The following HOPX variants were observed in gnomAD, a reference collection of about 807,000 sequenced individuals.
The protein encoded by HOPX is homeodomain-only protein.
In HOPX, 5 loss-of-function variants were observed where a neutral mutation model predicts 11.8. That is an observed-to-expected ratio of 0.43 (90% CI 0.22 to 0.89). The LOEUF (loss-of-function observed/expected upper bound fraction) is 0.89, where lower values mean the gene tolerates loss of function less well. HOPX is among the 40% of genes least tolerant of loss of function. The pLI, the probability that HOPX is intolerant of heterozygous loss-of-function variation, is 0.28. For missense variants in HOPX, 119 were observed against 120.0 expected, an observed-to-expected ratio of 0.99 and a Z score of 0.04; for synonymous variants, 49 against 49.7, an observed-to-expected ratio of 0.99 and a Z score of 0.06.
chr4:56,668,222 G>A (rs778902885), intron 1 of HOPX, among the ~76,000 whole-genome samples: 25 of 152,082 alleles, frequency 1.6e-4, no homozygotes, highest in Admixed American at 2.6e-4. Flanking sequence ...CACCACACGC[G>A]GCCAAACTGA....
intron 1 of HOPX, chr4:56,679,012 C>A (rs1327302948): frequency 6.6e-6 from 1 of 152,264 alleles, no homozygotes; most frequent in Non-Finnish European, 1.5e-5. Flanking sequence ...AATCCCAGCA[C>A]TTTGGGAGGC....
intron 1 of HOPX, chr4:56,672,806 A>G (rs986644951): frequency 3.3e-5 from 5 of 152,016 alleles, no homozygotes; most frequent in African/African-American, 1.2e-4. Flanking sequence ...GACTGGCTAA[A>G]AAAAATTTTT....
intron 3 of HOPX, among the ~76,000 whole-genome samples, chr4:56,653,093 A>T (rs1310963205): frequency 6.6e-6 from 1 of 152,218 alleles, no homozygotes; most frequent in Non-Finnish European, 1.5e-5. Flanking sequence ...TAGGTGGTGC[A>T]GTGGCATGAT....
intron 3 of HOPX, among the ~76,000 whole-genome samples, chr4:56,654,865 A>T (rs939681897): frequency 1.3e-5 from 2 of 152,212 alleles, no homozygotes; most frequent in African/African-American, 2.4e-5. Flanking sequence ...AGTTGAGGTT[A>T]GAAGTGTGAA....
intron 1 of HOPX, among the ~76,000 whole-genome samples, chr4:56,669,186 G>C (rs1398871664): frequency 1.3e-5 from 2 of 152,064 alleles, no homozygotes; most frequent in African/African-American, 4.8e-5. Context: ...TGCTGATGTC[G>C]CTGACTCAAG....
chr4:56,680,069 T>G (rs1325048658), intron 1 of HOPX: 1 of 151,954 alleles, frequency 6.6e-6, no homozygotes, highest in Non-Finnish European at 1.5e-5. Context: ...ACGTTGAAGG[T>G]TTTTAACTCG....
chr4:56,661,089 G>C (rs922486243), intron 1 of HOPX, among the ~76,000 whole-genome samples: 1 of 152,136 alleles, frequency 6.6e-6, no homozygotes, highest in Non-Finnish European at 1.5e-5. Flanking sequence ...TGGGATTACA[G>C]GTATGAGCCA....
rs1181135719 is a variant in HOPX at position 56,675,148 on chromosome 4, G to A, written c.-84+6107C>T. 1.3e-5 allele frequency among the ~76,000 whole-genome samples: 2 copies of A among 151,462 alleles called. 1 individual carries two copies. Among genetic ancestry groups the A allele is most frequent in the African/African-American group, 4.9e-5 (2 of 40,798 alleles). ...TTATACTGAACTTCTTTTTGGTTTA[G>A]CCAACATAAATATACCAGTTCTCAG... On this transcript the variant is annotated intron_variant, in intron 1 of 3. Transcript: ENST00000420433.
chr4:56,671,399 A>G (rs1348941694), intron 1 of HOPX, among the ~76,000 whole-genome samples: 1 of 152,132 alleles, frequency 6.6e-6, no homozygotes, highest in African/African-American at 2.4e-5. Flanking sequence ...AGTCTTTGAC[A>G]GAATGGAATT....
chr4:56,673,869 T>A (rs191026068), intron 1 of HOPX, among the ~76,000 whole-genome samples: 53 of 148,398 alleles, frequency 3.6e-4, no homozygotes, highest in Non-Finnish European at 6.5e-4. Context: ...CATGCCCATC[T>A]AATTTTTGGA....
rs60590794 is a variant in HOPX at position 56,678,232 on chromosome 4, C to T, written c.-84+3023G>A. Among the ~76,000 whole-genome samples, 1,424 of 151,404 alleles carry T rather than the reference C, an allele frequency of 9.4e-3. 71 individuals carry two copies. The highest frequency in any genetic ancestry group is 0.033 in the African/African-American group (1,357 of 40,792). ...AGCCTCCCAAGCCTCATCCTACTCTCGGACTTGGTGGTCAGGTGGCATGGG... is the reference window on the plus strand; with the variant it reads ...AGCCTCCCAAGCCTCATCCTACTCTTGGACTTGGTGGTCAGGTGGCATGGG... On this transcript the variant is annotated intron_variant, in intron 1 of 3. Coordinates refer to ENST00000420433, the MANE Select transcript of HOPX (RefSeq NM_032495.6).
At chr4:56,673,187 T>C (rs1718831385) in intron 1 of HOPX, among the ~76,000 whole-genome samples, 1 of 152,160 alleles carries the variant, frequency 6.6e-6, no homozygotes, top group Non-Finnish European at 1.5e-5. Flanking sequence ...AAAAGATACA[T>C]ATAATTAACA....
chr4:56,680,645 A>G (rs982297460), intron 1 of HOPX: 2 of 151,980 alleles, frequency 1.3e-5, no homozygotes, highest in East Asian at 1.9e-4. Context: ...CCACTCACAT[A>G]TCACAAACCT....
chr4:56,669,139 AG>A (rs1578355076), intron 1 of HOPX, among the ~76,000 whole-genome samples: 1 of 152,220 alleles, frequency 6.6e-6, no homozygotes, highest in East Asian at 1.9e-4. Flanking sequence ...AGAGTGGCCT[AG>A]GTTTTAAGTG....
At position 56,669,514 on chromosome 4, in the gene HOPX, C is replaced by T. The variant is rs1378236173; in HGVS notation, c.-83-11615G>A. Among the ~76,000 whole-genome samples the T allele has an allele frequency of 7.9e-5, 12 of 152,134 alleles. No homozygotes were observed. In the East Asian group the frequency reaches 2.3e-3, roughly 29 times the overall value. ...TCTCTACTAAAAGTACAAAAATTAG[C>T]CAGATGAGGTGGTGGGGGCCTGTAG... On this transcript the variant is annotated intron_variant, in intron 1 of 3. Transcript: ENST00000420433.
chr4:56,671,886 A>G (rs1718753587), intron 1 of HOPX, among the ~76,000 whole-genome samples: 1 of 152,106 alleles, frequency 6.6e-6, no homozygotes, highest in South Asian at 2.1e-4. Flanking sequence ...TAATTGCTTT[A>G]GACGTCCATT....
chr4:56,649,845 T>C (rs944483705), intron 3 of HOPX: 2 of 152,220 alleles, frequency 1.3e-5, no homozygotes, highest in Non-Finnish European at 2.9e-5. Context: ...CTGGACCAGG[T>C]TGATCAAGAG....
intron 1 of HOPX, among the ~76,000 whole-genome samples, chr4:56,658,769 C>T (rs892573139): frequency 8.5e-5 from 13 of 152,208 alleles, no homozygotes; most frequent in Non-Finnish European, 1.3e-4. Context: ...GCTACTCAGA[C>T]GTTAATCTTA....
In HOPX at chr4:56,648,372, G is replaced by T. The variant is rs896075906; in HGVS notation, c.*348C>A. ...ATATTATCTTTTCAACAGAGGCCTG[G>T]ATTGCTAAATGGATTATGAAAGCAA... On this transcript the variant is annotated 3_prime_UTR_variant, in exon 4 of 4. Transcript: ENST00000420433. The T allele has an allele frequency of 1.2e-4, 25 of 203,534 alleles. No homozygotes were observed. Among genetic ancestry groups the T allele is most frequent in the Middle Eastern group, 1.7e-3 (1 of 590 alleles). 12.6% of individuals were successfully genotyped at this position (203,534 alleles called of 1,614,324 possible). A position where few individuals can be genotyped will look rare whatever the true frequency, so the allele number is the denominator to read the frequency against.
Sources: gnomAD v4.1 joint callset for allele counts (sites outside exome capture counted in the v4.1 genomes callset) on GRCh38, gnomAD v4.1.1 for gene constraint, MANE v1.5 for transcripts, NCBI Gene and HGNC (gene_info 2026-07-23, HGNC 2026-07-21) for gene names.